SLC7A13: variants seen among roughly 807,000 people sequenced by gnomAD.
SLC7A13 encodes solute carrier family 7 member 13.
A neutral mutation model predicts 32.0 loss-of-function variants in SLC7A13; 31 were observed. That is an observed-to-expected ratio of 0.97 (90% CI 0.73 to 1.31). The LOEUF (loss-of-function observed/expected upper bound fraction) is 1.31, where lower values mean the gene tolerates loss of function less well. SLC7A13 is among the 50% of genes most tolerant of loss of function. The pLI, the probability that SLC7A13 is intolerant of heterozygous loss-of-function variation, is 0.00. For synonymous variants in SLC7A13, 232 were observed against 206.9 expected, an observed-to-expected ratio of 1.12 and a Z score of -1.04; for missense variants, 633 against 546.9, an observed-to-expected ratio of 1.16 and a Z score of -1.57.
At chr8:86,228,870 A>C (rs897744614) in intron 1 of SLC7A13, among the ~76,000 whole-genome samples, 1 of 151,504 alleles carries the variant, frequency 6.6e-6, no homozygotes, top group African/African-American at 2.4e-5. Context: ...ATCTGAGGAG[A>C]GGGATCTCAC....
At chr8:86,229,241 G>A (rs538162314) in intron 1 of SLC7A13, among the ~76,000 whole-genome samples, 1 of 152,268 alleles carries the variant, frequency 6.6e-6, no homozygotes, top group South Asian at 2.1e-4. Flanking sequence ...AACATAGTCT[G>A]GCATTGGATC....
intron 1 of SLC7A13, among the ~76,000 whole-genome samples, chr8:86,223,913 G>T (rs1311873948): frequency 6.6e-6 from 1 of 151,940 alleles, no homozygotes; most frequent in Non-Finnish European, 1.5e-5. Context: ...CAAAATTTCT[G>T]AAGATAGACT....
intron 3 of SLC7A13, 47 bp downstream of exon 3, chr8:86,217,423 C>G (rs947170123): frequency 7.0e-7 from 1 of 1,432,300 alleles, no homozygotes; most frequent in African/African-American, 1.4e-5. Context: ...CAGTTATACT[C>G]AATATCTGTT....
At chr8:86,227,760 A>G (rs1274924216) in intron 1 of SLC7A13, among the ~76,000 whole-genome samples, 1 of 152,214 alleles carries the variant, frequency 6.6e-6, no homozygotes, top group Non-Finnish European at 1.5e-5. Flanking sequence ...CACAGCCCTA[A>G]AAAGAATGAG....
chr8:86,215,394 G>A (rs1374864644), intron 3 of SLC7A13, among the ~76,000 whole-genome samples: 2 of 152,062 alleles, frequency 1.3e-5, no homozygotes, highest in Non-Finnish European at 2.9e-5. Flanking sequence ...TAATCATTAA[G>A]AATATCTTCT....
rs1320356602 is a variant in SLC7A13, at chr8:86,224,052, T to C, written c.686-949A>G. ...TGGGAATACAATGGTGAGCAGAAAC[T>C]ACATGAAATTTGACCTCAAGAAGAA... On this transcript the variant is annotated intron_variant, in intron 1 of 3. Transcript: ENST00000297524. Among the ~76,000 whole-genome samples, 3 of 152,232 alleles carry C rather than the reference T, an allele frequency of 2.0e-5. No individual in the cohort carries two copies. The East Asian group carries it at 5.8e-4, about 29-fold the overall frequency.
intron 2 of SLC7A13, 54 bp from the exon 3 acceptor site, chr8:86,217,885 T>C (rs1254838059): frequency 4.8e-6 from 7 of 1,458,778 alleles, no homozygotes; most frequent in Admixed American, 2.5e-5. Context: ...GAAATACTAA[T>C]GATAAACCTT....
At chr8:86,216,033 A>C (rs967934612) in intron 3 of SLC7A13, among the ~76,000 whole-genome samples, 1 of 152,180 alleles carries the variant, frequency 6.6e-6, no homozygotes, top group South Asian at 2.1e-4. Flanking sequence ...ACTGAGGTTC[A>C]GAGGTTCAAT....
chr8:86,223,987 T>C (rs1248676887), intron 1 of SLC7A13, among the ~76,000 whole-genome samples: 1 of 152,196 alleles, frequency 6.6e-6, no homozygotes, highest in East Asian at 1.9e-4. Flanking sequence ...CTTATGTGTT[T>C]AGCCTCATCT....
Position 86,217,455 on chromosome 8 carries a change from G to C in SLC7A13, c.1179+15C>G. On this transcript the variant is annotated intron_variant, in intron 3 of 3. Transcript: ENST00000297524. The stretch of plus-strand genomic sequence containing the variant: ...TGTTATTTCACACAGAAAAGAATTA[G>C]AAATCCAATTTTACCTTATAAGGTA... The C allele has an allele frequency of 1.6e-5, 24 of 1,519,282 alleles. No homozygotes were observed. The highest frequency in any genetic ancestry group is 2.1e-5 in the Non-Finnish European group (24 of 1,139,274). The allele number at this position is 1,519,282 out of a possible 1,614,324, so 94.1% of individuals were successfully genotyped here. A position where few individuals can be genotyped will look rare whatever the true frequency, so the allele number is the denominator to read the frequency against.
chr8:86,215,569 C>A, intron 3 of SLC7A13: 1 of 340,446 alleles, frequency 2.9e-6, no homozygotes, highest in Non-Finnish European at 5.7e-6. Flanking sequence ...ACCTGTAATC[C>A]CAGCTACTTG....
At position 86,229,943 on chromosome 8, in the gene SLC7A13, G is replaced by A; in HGVS notation, c.335C>T (p.Ala112Val). Residue 112 changes from alanine to valine, a missense_variant, in exon 1 of 4, where the codon GCT becomes GTT. Ala to Val is a moderately conservative substitution (Grantham distance 64). Transcript: ENST00000297524. ...FLGSGVVAGQ[A>V]LLLAEYSIQP... Reference sequence around the variant, plus strand: ...GATGCTGTACTCAGCAAGGAGCAGAGCTTGGCCAGCAACTACCCCTGACCC... The same window carrying A: ...GATGCTGTACTCAGCAAGGAGCAGAACTTGGCCAGCAACTACCCCTGACCC... 2 of 1,614,176 alleles carry A rather than the reference G, an allele frequency of 1.2e-6. No homozygotes were observed. Among genetic ancestry groups the A allele is most frequent in the Non-Finnish European group, 1.7e-6 (2 of 1,180,032 alleles).
chr8:86,219,436 CT>C (rs1205908448), intron 2 of SLC7A13, among the ~76,000 whole-genome samples: 2 of 152,048 alleles, frequency 1.3e-5, no homozygotes, highest in Non-Finnish European at 2.9e-5. Flanking sequence ...TGTTTCTTTT[CT>C]TTTAAAAATG....
chr8:86,218,557 C>G lies in SLC7A13; in HGVS notation c.818-726G>C, dbSNP rs114013576. The stretch of plus-strand genomic sequence containing the variant: ...GAGGCCAAGGATGTTGCTAAACATC[C>G]TATAATGTACAGGACAATTCTCTAC... On this transcript the variant is annotated intron_variant, in intron 2 of 3. Transcript: ENST00000297524. Among the ~76,000 whole-genome samples the G allele has an allele frequency of 3.4e-3, 521 of 151,416 alleles. 1 individual carries two copies. The highest frequency in any genetic ancestry group is 0.011 in the African/African-American group (466 of 41,278).
intron 1 of SLC7A13, among the ~76,000 whole-genome samples, chr8:86,225,014 A>G (rs1820366059): frequency 6.6e-6 from 1 of 152,064 alleles, no homozygotes; most frequent in South Asian, 2.1e-4. Flanking sequence ...AACGTGAGTC[A>G]CCATGTCCAG....
chr8:86,217,543 A>G lies in SLC7A13; in HGVS notation c.1106T>C (p.Leu369Ser), dbSNP rs767037152. ...LINYIFFTGS[L>S]WSILLMIGIL... is the part of the protein sequence containing the mutation. The stretch of plus-strand genomic sequence containing the variant: ...TCCTATCATTAATAATATAGACCAT[A>G]ATGAACCCGTGAAAAAAATATAGTT... The change falls in exon 3 of 4, where the codon TTA (leucine) becomes TCA (serine). Residue 369 changes from leucine to serine, a missense_variant. Physicochemically the swap from Leu to Ser is moderately radical, Grantham distance 145. Coordinates refer to ENST00000297524, the MANE Select transcript of SLC7A13 (RefSeq NM_138817.3). 1 of 1,612,220 alleles carries G rather than the reference A, an allele frequency of 6.2e-7. No individual in the cohort carries two copies. Among genetic ancestry groups the G allele is most frequent in the Admixed American group, 1.7e-5 (1 of 59,840 alleles).
intron 1 of SLC7A13, among the ~76,000 whole-genome samples, chr8:86,227,514 C>T (rs1263054068): frequency 2.0e-5 from 3 of 152,160 alleles, no homozygotes; most frequent in African/African-American, 7.2e-5. Context: ...CTTCTCTGCT[C>T]TTTAAAGATA....
chr8:86,220,126 CT>C (rs1370061323), intron 2 of SLC7A13, among the ~76,000 whole-genome samples: 3 of 152,042 alleles, frequency 2.0e-5, no homozygotes, highest in African/African-American at 7.2e-5. Flanking sequence ...TACTTTTAGG[CT>C]GCATCTGGAC....
intron 1 of SLC7A13, among the ~76,000 whole-genome samples, chr8:86,227,380 G>A (rs928017901): frequency 2.0e-5 from 3 of 152,084 alleles, no homozygotes; most frequent in African/African-American, 7.2e-5. Flanking sequence ...GTCCTTAAGG[G>A]GATGGGAGGG....
Sources: allele counts gnomAD v4.1 joint callset (sites outside exome capture counted in the v4.1 genomes callset), GRCh38; gene constraint gnomAD v4.1.1; transcripts MANE v1.5; gene names NCBI Gene and HGNC (gene_info 2026-07-23, HGNC 2026-07-21).